The following ENY2 variants were observed in gnomAD, a reference collection of about 807,000 sequenced individuals.
The protein encoded by ENY2 is ENY2 transcription and export complex 2 subunit.
A neutral mutation model predicts 15.9 loss-of-function variants in ENY2; 4 were observed. The observed-to-expected ratio is 0.25, with a 90% CI of 0.12 to 0.57. The LOEUF is 0.57. ENY2 is among the 20% of genes least tolerant of loss of function. The probability of loss-of-function intolerance (pLI) is 0.91; values close to 1 mark genes in which losing one functional copy is unlikely to be tolerated. For missense variants in ENY2, 54 were observed against 117.2 expected, an observed-to-expected ratio of 0.46 and a Z score of 2.49; for synonymous variants, 48 against 38.0, an observed-to-expected ratio of 1.26 and a Z score of -0.97.
At position 109,345,538 on chromosome 8, in the gene ENY2, ATCTCT is replaced by A. The variant is rs1816226396; in HGVS notation, c.*2059_*2063del. The A allele has an allele frequency of 1.3e-5, 2 of 152,162 alleles. No homozygotes were observed. The allele number at this position is 152,162 out of a possible 1,614,324, so 9.4% of individuals were successfully genotyped here. A position where few individuals can be genotyped will look rare whatever the true frequency, so the allele number is the denominator to read the frequency against. ...CCAAACAAGTTTTTTGTTTCACTTC[ATCTCT>A]TATAAAACAATGTTCTAAAGTAAGT... is the stretch of plus-strand genomic sequence containing the variant. On this transcript the variant is annotated 3_prime_UTR_variant, in exon 5 of 5. Transcript: ENST00000521688.
At chr8:109,340,421 C>T in intron 3 of ENY2, 68 bp from the exon 4 acceptor site, 1 of 1,591,114 alleles carries the variant, frequency 6.3e-7, no homozygotes, top group Non-Finnish European at 8.6e-7. Context: ...TTAACCCTTC[C>T]TCTATGAAAA....
chr8:109,342,023 T>G lies in ENY2; in HGVS notation c.230-1382T>G, dbSNP rs527301948. Among the ~76,000 whole-genome samples the G allele has an allele frequency of 5.9e-5, 9 of 152,216 alleles. 1 individual carries two copies. The South Asian group carries it at 8.3e-4, about 14-fold the overall frequency. On this transcript the variant is annotated intron_variant, in intron 4 of 4. Coordinates refer to ENST00000521688, the MANE Select transcript of ENY2 (RefSeq NM_020189.6). ...ATATAGTCTTGATTTGTAGGTTGGC[T>G]TAAACTAAACAGTTTGTAAAGAAGA...
rs1274172613 is a variant in ENY2 at position 109,343,474 on chromosome 8, G to C, written c.299G>C (p.Ser100Thr). Residue 100 changes from serine (S) to threonine (T), a missense_variant, in exon 5 of 5, where the codon AGC (serine) becomes ACC (threonine). Ser to Thr is a moderately conservative substitution (Grantham distance 58). Transcript: ENST00000521688. ...RIRTFLAQHASL is the reference protein window; with the variant it reads ...RIRTFLAQHATL Reference sequence around the variant, plus strand: ...AGAACATTCCTTGCTCAGCATGCCAGCCTTTAAGATTGAATTAGATTGTGT... The same window carrying C: ...AGAACATTCCTTGCTCAGCATGCCACCCTTTAAGATTGAATTAGATTGTGT... 1 of 1,611,948 alleles carries C rather than the reference G, an allele frequency of 6.2e-7. No individual in the cohort carries two copies. Among genetic ancestry groups the C allele is most frequent in the Non-Finnish European group, 8.5e-7 (1 of 1,179,024 alleles).
At chr8:109,343,212 G>A (rs544145634) in intron 4 of ENY2, among the ~76,000 whole-genome samples, 193 bp from the exon 5 acceptor site, 2 of 152,160 alleles carry the variant, frequency 1.3e-5, no homozygotes, top group Non-Finnish European at 2.9e-5. Context: ...TTAGGCATTG[G>A]ATAGTTCATT....
rs969490103 is a variant in ENY2, at chr8:109,343,737, G to T, written c.*256G>T. 2.5e-6 allele frequency: 1 copy of T among 399,836 alleles called. No homozygotes were observed. Among genetic ancestry groups the T allele is most frequent in the South Asian group, 3.9e-5 (1 of 25,936 alleles). 24.8% of individuals were successfully genotyped at this position (399,836 alleles called of 1,614,324 possible). Reference sequence around the variant, plus strand: ...TACTAATTCACCAAATTTGTTGAGCGCAAAAGCAATTAATGTAGTTTAAGT... The same window carrying T: ...TACTAATTCACCAAATTTGTTGAGCTCAAAAGCAATTAATGTAGTTTAAGT... On this transcript the variant is annotated 3_prime_UTR_variant, in exon 5 of 5. Coordinates refer to ENST00000521688, the MANE Select transcript of ENY2 (RefSeq NM_020189.6).
rs1295253407 is a variant in ENY2, at chr8:109,334,496, CA to C, written c.6+23del. ...GGTGGTGAGCTATGCCCGTGGTCCT[CA>C]GGGCCGGGACCCGGGCCCAGCCCAG... On this transcript the variant is annotated intron_variant, in intron 1 of 4. Transcript: ENST00000521688. 2.5e-6 allele frequency: 4 copies of C among 1,611,986 alleles called. No individual in the cohort carries two copies. In the South Asian group the frequency reaches 4.4e-5, roughly 18 times the overall value.
At position 109,345,367 on chromosome 8, in the gene ENY2, T is replaced by A. The variant is rs1816222226; in HGVS notation, c.*1886T>A. The A allele has an allele frequency of 6.6e-6, 1 of 152,082 alleles. No homozygotes were observed. Among genetic ancestry groups the A allele is most frequent in the Non-Finnish European group, 1.5e-5 (1 of 68,020 alleles). The allele number at this position is 152,082 out of a possible 1,614,324, so 9.4% of individuals were successfully genotyped here. ...AGTATGAGAAAAGGTATAAATTGGG[T>A]ATAGTTGAGAAAAGGATTCAAATTG... On this transcript the variant is annotated 3_prime_UTR_variant, in exon 5 of 5. Transcript: ENST00000521688.
In ENY2 at chr8:109,345,875, CTTCT is replaced by C. The variant is rs1816234544; in HGVS notation, c.*2397_*2400del. ...CCACCTCTACCCCACCACCTGTAGG[CTTCT>C]TTGACAACTTACAAATGTTCTCTAG... On this transcript the variant is annotated 3_prime_UTR_variant, in exon 5 of 5. Transcript: ENST00000521688. The C allele has an allele frequency of 6.6e-6, 1 of 152,162 alleles. No individual in the cohort carries two copies. The highest frequency in any genetic ancestry group is 1.5e-5 in the Non-Finnish European group (1 of 68,018). The allele number at this position is 152,162 out of a possible 1,614,324, so 9.4% of individuals were successfully genotyped here.
At position 109,339,954 on chromosome 8, in the gene ENY2, T is replaced by C. The variant is rs186735598; in HGVS notation, c.155-535T>C. On this transcript the variant is annotated intron_variant, in intron 3 of 4. Coordinates refer to ENST00000521688, the MANE Select transcript of ENY2 (RefSeq NM_020189.6). ...ATGGTTTCTACAAATAAAAATAAAC[T>C]ATATGTTAACTGTAAGAAGGCAATG... 3.8e-3 allele frequency among the ~76,000 whole-genome samples: 573 copies of C among 152,300 alleles called. 2 individuals are homozygous for C. The highest frequency in any genetic ancestry group is 0.01 in the Middle Eastern group (3 of 294).
chr8:109,343,278 T>C (rs1816161611), intron 4 of ENY2, 127 bp from the exon 5 acceptor site: 4 of 651,226 alleles, frequency 6.1e-6, no homozygotes, highest in Non-Finnish European at 9.9e-6. Context: ...TTACCTTTTT[T>C]TTAATTGAAC....
At chr8:109,340,252 G>GT (rs1158508984) in intron 3 of ENY2, 6 of 487,832 alleles carry the variant, frequency 1.2e-5, no homozygotes, top group African/African-American at 2.0e-5. Flanking sequence ...TAAATTTATT[G>GT]TAAGTGTCAC....
In ENY2 at chr8:109,334,392, C is replaced by T; in HGVS notation, c.-77C>T. Reference sequence around the variant, plus strand: ...TACTGAGGGTCTAAGTCCGGGCAGCCGAAGAGTGTGGTAGGTAACGGTCCT... The same window carrying T: ...TACTGAGGGTCTAAGTCCGGGCAGCTGAAGAGTGTGGTAGGTAACGGTCCT... On this transcript the variant is annotated 5_prime_UTR_variant, in exon 1 of 5. Coordinates refer to ENST00000521688, the MANE Select transcript of ENY2 (RefSeq NM_020189.6). 6.2e-7 allele frequency: 1 copy of T among 1,607,674 alleles called. No individual in the cohort carries two copies. Among genetic ancestry groups the T allele is most frequent in the Non-Finnish European group, 8.5e-7 (1 of 1,175,924 alleles).
Position 109,344,168 on chromosome 8 carries a change from T to C in ENY2, c.*687T>C, listed in dbSNP as rs1816182685. Reference sequence around the variant, plus strand: ...CTGACATCAGGATTGCCAAATCCAATGGACTCTTGTCTATTCTTACGTGAC... The same window carrying C: ...CTGACATCAGGATTGCCAAATCCAACGGACTCTTGTCTATTCTTACGTGAC... On this transcript the variant is annotated 3_prime_UTR_variant, in exon 5 of 5. Coordinates refer to ENST00000521688, the MANE Select transcript of ENY2 (RefSeq NM_020189.6). 1 of 152,234 alleles carries C rather than the reference T, an allele frequency of 6.6e-6. No homozygotes were observed. Among genetic ancestry groups the C allele is most frequent in the Non-Finnish European group, 1.5e-5 (1 of 68,040 alleles). 9.4% of individuals were successfully genotyped at this position (152,234 alleles called of 1,614,324 possible).
intron 1 of ENY2, 105 bp downstream of exon 1, chr8:109,334,579 T>C: frequency 7.2e-7 from 1 of 1,385,828 alleles, no homozygotes; most frequent in Non-Finnish European, 9.6e-7. Context: ...CGCGGGCCTG[T>C]AGGGCTCTCC....
In ENY2 at chr8:109,343,564, A is replaced by G; in HGVS notation, c.*83A>G. 6.0e-6 allele frequency: 8 copies of G among 1,337,494 alleles called. No homozygotes were observed. Among genetic ancestry groups the G allele is most frequent in the Non-Finnish European group, 8.4e-6 (8 of 954,720 alleles). 82.9% of individuals were successfully genotyped at this position (1,337,494 alleles called of 1,614,324 possible). On this transcript the variant is annotated 3_prime_UTR_variant, in exon 5 of 5. Coordinates refer to ENST00000521688, the MANE Select transcript of ENY2 (RefSeq NM_020189.6). ...TTAGAAAACAATTTCCCAAAATAAA[A>G]TCCTTTTTTGTATGATGGTATACAG...
At chr8:109,341,318 T>C (rs997726913) in intron 4 of ENY2, among the ~76,000 whole-genome samples, 7 of 152,174 alleles carry the variant, frequency 4.6e-5, no homozygotes, top group Non-Finnish European at 1.0e-4. Context: ...TTGAAAATTA[T>C]TACTACAGAA....
chr8:109,340,008 A>G (rs569333123), intron 3 of ENY2, among the ~76,000 whole-genome samples: 1 of 152,204 alleles, frequency 6.6e-6, no homozygotes, highest in Non-Finnish European at 1.5e-5. Context: ...ATAGACTTTA[A>G]GGTCATATAG....
At chr8:109,343,197 T>G (rs890400366) in intron 4 of ENY2, among the ~76,000 whole-genome samples, 2 of 152,230 alleles carry the variant, frequency 1.3e-5, no homozygotes, top group African/African-American at 2.4e-5. Flanking sequence ...CAACATGCAG[T>G]GCATTTAGGC....
At chr8:109,334,716 A>C in intron 1 of ENY2, 1 of 553,686 alleles carries the variant, frequency 1.8e-6, no homozygotes, top group Non-Finnish European at 3.2e-6. Context: ...ACTGGGAGGG[A>C]TACCCTAGCG....
Sources: allele counts gnomAD v4.1 joint callset (sites outside exome capture counted in the v4.1 genomes callset), GRCh38; gene constraint gnomAD v4.1.1; transcripts MANE v1.5; gene names NCBI Gene and HGNC (gene_info 2026-07-23, HGNC 2026-07-21).